The following CTTNBP2 variants were observed in gnomAD, a reference collection of about 807,000 sequenced individuals.
CTTNBP2 encodes cortactin-binding protein 2.
In CTTNBP2, 108 loss-of-function variants were observed where a neutral mutation model predicts 156.9. The observed-to-expected ratio is 0.69, with a 90% confidence interval of 0.59 to 0.81. The LOEUF is 0.81. CTTNBP2 is among the 30% of genes least tolerant of loss of function. The pLI, the probability that CTTNBP2 is intolerant of heterozygous loss-of-function variation, is 0.00. For synonymous variants in CTTNBP2, 767 were observed against 751.8 expected, an observed-to-expected ratio of 1.02 and a Z score of -0.33; for missense variants, 1,924 against 2,035.4, an observed-to-expected ratio of 0.95 and a Z score of 1.05.
At chr7:117,712,150 A>G (rs928648836) in intron 22 of CTTNBP2, among the ~76,000 whole-genome samples, 1 of 152,176 alleles carries the variant, frequency 6.6e-6, no homozygotes, top group Admixed American at 6.6e-5. Flanking sequence ...TAAATCACCT[A>G]ACTTTTCTGC....
chr7:117,777,448 C>T, intron 8 of CTTNBP2, 63 bp downstream of exon 8: 3 of 1,542,522 alleles, frequency 1.9e-6, no homozygotes, highest in Non-Finnish European at 2.6e-6. Flanking sequence ...TAATCTATAG[C>T]AGACAACTTT....
intron 4 of CTTNBP2, among the ~76,000 whole-genome samples, chr7:117,787,359 A>G (rs1228982784): frequency 6.6e-6 from 1 of 152,212 alleles, no homozygotes; most frequent in Non-Finnish European, 1.5e-5. Flanking sequence ...ATGCAATGGC[A>G]GAGGGAAGGA....
intron 17 of CTTNBP2, among the ~76,000 whole-genome samples, chr7:117,727,639 A>G (rs1584904355): frequency 6.6e-6 from 1 of 152,102 alleles, no homozygotes; most frequent in African/African-American, 2.4e-5. Context: ...CTTTCTCCTG[A>G]TTTTCTATTT....
chr7:117,713,189 T>G (rs1794157113), intron 22 of CTTNBP2, among the ~76,000 whole-genome samples: 1 of 152,122 alleles, frequency 6.6e-6, no homozygotes, highest in Admixed American at 6.5e-5. Context: ...GAAACCAGTC[T>G]CCAGTGCCAA....
rs142796960 is a variant in CTTNBP2, at chr7:117,766,597, G to T, written c.2896+462C>A. ...ACCCACAAGTGAGCCTTTATAAAAT[G>T]CTGAGGAGCATATACTCGTGGAGCT... On this transcript the variant is annotated intron_variant, in intron 9 of 22. Coordinates refer to ENST00000160373, the MANE Select transcript of CTTNBP2 (RefSeq NM_033427.3). Among the ~76,000 whole-genome samples the T allele has an allele frequency of 1.3e-3, 195 of 152,240 alleles. 2 individuals carry two copies. The highest frequency in any genetic ancestry group is 4.2e-3 in the African/African-American group (175 of 41,546).
intron 22 of CTTNBP2, among the ~76,000 whole-genome samples, chr7:117,714,961 C>CT (rs1794261880): frequency 6.6e-6 from 1 of 152,218 alleles, no homozygotes; most frequent in Non-Finnish European, 1.5e-5. Flanking sequence ...ATAACGTTTA[C>CT]TATCCATATT....
chr7:117,775,203 T>C (rs1361996216), intron 8 of CTTNBP2, among the ~76,000 whole-genome samples: 1 of 152,162 alleles, frequency 6.6e-6, no homozygotes, highest in Admixed American at 6.6e-5. Context: ...AATATATTAA[T>C]AGCCTAGCAG....
intron 5 of CTTNBP2, among the ~76,000 whole-genome samples, chr7:117,783,763 G>A (rs1283733477): frequency 6.6e-6 from 1 of 152,036 alleles, no homozygotes; most frequent in Admixed American, 6.6e-5. Context: ...TACAGGATTT[G>A]CATTTTAAAG....
At chr7:117,840,654 C>G (rs1191893934) in intron 2 of CTTNBP2, among the ~76,000 whole-genome samples, 1 of 152,242 alleles carries the variant, frequency 6.6e-6, no homozygotes, top group Non-Finnish European at 1.5e-5. Context: ...TTTGCTGTGG[C>G]TGCAAAGCAT....
intron 2 of CTTNBP2, among the ~76,000 whole-genome samples, chr7:117,830,797 A>C (rs1167596294): frequency 6.6e-6 from 1 of 152,200 alleles, no homozygotes; most frequent in East Asian, 1.9e-4. Context: ...CACAGAAAAT[A>C]AACACTTCTC....
chr7:117,728,979 G>C (rs1389153432), intron 16 of CTTNBP2, among the ~76,000 whole-genome samples: 1 of 152,228 alleles, frequency 6.6e-6, no homozygotes, highest in Admixed American at 6.5e-5. Context: ...AACAGGCTTA[G>C]CTTTGTGGGC....
At chr7:117,746,134 A>G (rs1166028075) in intron 12 of CTTNBP2, 35 bp from the exon 13 acceptor site, 1 of 1,473,436 alleles carries the variant, frequency 6.8e-7, no homozygotes, top group African/African-American at 1.4e-5. Context: ...TAGGGTGAAG[A>G]TGCTAAATTG....
intron 3 of CTTNBP2, among the ~76,000 whole-genome samples, chr7:117,799,733 G>C (rs1484872329): frequency 6.6e-6 from 1 of 151,952 alleles, no homozygotes; most frequent in African/African-American, 2.4e-5. Context: ...GTTCTCTATA[G>C]ATCATATATT....
At chr7:117,842,047 T>C (rs1802305993) in intron 2 of CTTNBP2, among the ~76,000 whole-genome samples, 1 of 152,058 alleles carries the variant, frequency 6.6e-6, no homozygotes, top group African/African-American at 2.4e-5. Context: ...TCTCACAAGC[T>C]CTTCCAGGCT....
At chr7:117,819,794 T>C (rs1254827020) in intron 2 of CTTNBP2, among the ~76,000 whole-genome samples, 4 of 152,330 alleles carry the variant, frequency 2.6e-5, no homozygotes, top group East Asian at 1.9e-4. Context: ...TACCTGCTCA[T>C]AGACATCATA....
At chr7:117,830,178 T>C (rs1333221677) in intron 2 of CTTNBP2, among the ~76,000 whole-genome samples, 1 of 152,244 alleles carries the variant, frequency 6.6e-6, no homozygotes, top group Non-Finnish European at 1.5e-5. Context: ...TTTATTTCCA[T>C]TTTTCAATGT....
intron 10 of CTTNBP2, 69 bp downstream of exon 10, chr7:117,760,366 G>C: frequency 6.8e-7 from 1 of 1,475,678 alleles, no homozygotes; most frequent in South Asian, 1.2e-5. Context: ...TAAGAATCAG[G>C]TTATGAAACC....
intron 12 of CTTNBP2, among the ~76,000 whole-genome samples, chr7:117,756,120 C>A (rs1001816939): frequency 1.1e-4 from 16 of 152,168 alleles, no homozygotes; most frequent in Admixed American, 8.5e-4. Context: ...CCTGTTTAAG[C>A]TGTAATTATT....
intron 1 of CTTNBP2, among the ~76,000 whole-genome samples, chr7:117,862,307 TGG>T (rs1297704283): frequency 1.7e-5 from 1 of 59,024 alleles, no homozygotes; most frequent in African/African-American, 6.7e-5. Context: ...GCCCTAGGTG[TGG>T]GGTGGGGTGG....
Sources: allele counts gnomAD v4.1 joint callset (sites outside exome capture counted in the v4.1 genomes callset), GRCh38; gene constraint gnomAD v4.1.1; transcripts MANE v1.5; gene names NCBI Gene and HGNC (gene_info 2026-07-23, HGNC 2026-07-21).